Variants in SLC24A3 observed in about 807,000 individuals in gnomAD.
The protein encoded by SLC24A3 is sodium/potassium/calcium exchanger 3.
A neutral mutation model predicts 75.8 loss-of-function variants in SLC24A3; 28 were observed. The ratio of observed to expected loss-of-function variants is 0.37; its 90% CI spans 0.27 to 0.51. The LOEUF is 0.51. Ranked by LOEUF, SLC24A3 falls within the 20% of genes least tolerant of loss-of-function variation. The pLI, the probability that SLC24A3 is intolerant of heterozygous loss-of-function variation, is 0.94. For missense variants in SLC24A3, 663 were observed against 847.8 expected (o/e 0.78, Z 2.71); for synonymous variants, 372 against 334.1 (o/e 1.11, Z -1.24).
chr20:19,513,928 A>C (rs1199384252), intron 2 of SLC24A3, among the ~76,000 whole-genome samples: 3 of 152,120 alleles, frequency 2.0e-5, no homozygotes, highest in Non-Finnish European at 4.4e-5. Context: ...TGTAGTGAGA[A>C]GATTTAGATC....
intron 2 of SLC24A3, among the ~76,000 whole-genome samples, chr20:19,491,558 C>G (rs530344367): frequency 6.6e-6 from 1 of 152,154 alleles, no homozygotes. Context: ...GGCTCTGTCA[C>G]CCCAGGCACT....
chr20:19,414,853 G>A (rs901738966), intron 2 of SLC24A3, among the ~76,000 whole-genome samples: 6 of 152,086 alleles, frequency 3.9e-5, no homozygotes, highest in African/African-American at 1.2e-4. Flanking sequence ...ATCATATCAC[G>A]TTTCCCTTTC....
At chr20:19,337,303 G>A (rs957932504) in intron 2 of SLC24A3, among the ~76,000 whole-genome samples, 6 of 152,080 alleles carry the variant, frequency 3.9e-5, no homozygotes, top group Non-Finnish European at 8.8e-5. Flanking sequence ...AATTAGCCAG[G>A]TGTGGTGGCA....
At chr20:19,428,160 C>G (rs1049383151) in intron 2 of SLC24A3, among the ~76,000 whole-genome samples, 1 of 152,200 alleles carries the variant, frequency 6.6e-6, no homozygotes, top group Non-Finnish European at 1.5e-5. Context: ...GTAGCAGCAG[C>G]ATGAGCCCGG....
At chr20:19,565,522 G>A (rs1447359941) in intron 3 of SLC24A3, among the ~76,000 whole-genome samples, 1 of 152,100 alleles carries the variant, frequency 6.6e-6, no homozygotes, top group Non-Finnish European at 1.5e-5. Flanking sequence ...TAAGGCTGAG[G>A]TGTCACCTGG....
chr20:19,225,365 A>G (rs1981843433), intron 1 of SLC24A3, among the ~76,000 whole-genome samples: 1 of 152,206 alleles, frequency 6.6e-6, no homozygotes. Flanking sequence ...TTGTTGGGCC[A>G]TGTGCAGGAA....
At chr20:19,314,209 A>T (rs1459869818) in intron 2 of SLC24A3, among the ~76,000 whole-genome samples, 2 of 152,296 alleles carry the variant, frequency 1.3e-5, no homozygotes, top group South Asian at 4.1e-4. Context: ...ATATTTTTTT[A>T]GGAAGGTTGG....
chr20:19,395,451 T>A (rs1986437969), intron 2 of SLC24A3, among the ~76,000 whole-genome samples: 1 of 152,224 alleles, frequency 6.6e-6, no homozygotes, highest in Non-Finnish European at 1.5e-5. Context: ...AGATTTTTCT[T>A]TCCTAGGTGT....
rs565892119 is a variant in SLC24A3 at position 19,484,620 on chromosome 20, G to A, written c.272-30868G>A. 3.5e-4 allele frequency among the ~76,000 whole-genome samples: 54 copies of A among 152,142 alleles called. No homozygotes were observed. In the South Asian group the frequency reaches 7.1e-3, roughly 20 times the overall value. On this transcript the variant is annotated intron_variant, in intron 2 of 16. Transcript: ENST00000328041. ...GCAAATGCTATATGAGTCCACTTGGGTGAAGTCTCTAGAGTAGTCAAATGC... is the reference window on the plus strand; with the variant it reads ...GCAAATGCTATATGAGTCCACTTGGATGAAGTCTCTAGAGTAGTCAAATGC...
At chr20:19,626,501 G>A (rs539421573) in intron 6 of SLC24A3, among the ~76,000 whole-genome samples, 43 of 152,312 alleles carry the variant, frequency 2.8e-4, no homozygotes, top group African/African-American at 1.0e-3. Context: ...CACCTTTAGA[G>A]TAACTATGCA....
At chr20:19,353,703 A>C (rs1404520777) in intron 2 of SLC24A3, among the ~76,000 whole-genome samples, 1 of 152,250 alleles carries the variant, frequency 6.6e-6, no homozygotes, top group Non-Finnish European at 1.5e-5. Context: ...ATAAAAATGC[A>C]TGACCTGATA....
At chr20:19,494,526 T>TG (rs1402766689) in intron 2 of SLC24A3, among the ~76,000 whole-genome samples, 2 of 152,208 alleles carry the variant, frequency 1.3e-5, no homozygotes, top group African/African-American at 4.8e-5. Flanking sequence ...AAGGGAGATT[T>TG]GGGGGAAGGA....
At chr20:19,352,018 G>A (rs1985577748) in intron 2 of SLC24A3, among the ~76,000 whole-genome samples, 1 of 151,918 alleles carries the variant, frequency 6.6e-6, no homozygotes, top group Admixed American at 6.6e-5. Flanking sequence ...AGCTCTCAGG[G>A]GATACCGATG....
intron 6 of SLC24A3, among the ~76,000 whole-genome samples, chr20:19,640,025 C>T (rs2032056653): frequency 2.0e-5 from 3 of 152,256 alleles, no homozygotes; most frequent in Admixed American, 1.3e-4. Context: ...CCCTCCACAC[C>T]TCCCTGCAAG....
chr20:19,701,202 G>A (rs1031568392), intron 15 of SLC24A3, among the ~76,000 whole-genome samples: 3 of 152,056 alleles, frequency 2.0e-5, no homozygotes, highest in African/African-American at 7.2e-5. Context: ...TTGAATAAAT[G>A]GGAATCCATG....
chr20:19,478,432 T>A (rs1234266690), intron 2 of SLC24A3, among the ~76,000 whole-genome samples: 1 of 152,188 alleles, frequency 6.6e-6, no homozygotes, highest in East Asian at 1.9e-4. Context: ...AGTATATCCT[T>A]GGGGTTTAGG....
intron 2 of SLC24A3, among the ~76,000 whole-genome samples, chr20:19,422,347 G>A (rs543245899): frequency 1.3e-5 from 2 of 152,212 alleles, no homozygotes; most frequent in South Asian, 2.1e-4. Context: ...CTGGCTAGAC[G>A]TGCCTTTGTC....
chr20:19,413,824 G>A (rs957416445), intron 2 of SLC24A3, among the ~76,000 whole-genome samples: 5 of 152,140 alleles, frequency 3.3e-5, no homozygotes, highest in Non-Finnish European at 5.9e-5. Flanking sequence ...TAGGTTTGAC[G>A]TAATAACATT....
chr20:19,432,339 C>T (rs930995802), intron 2 of SLC24A3, among the ~76,000 whole-genome samples: 15 of 149,570 alleles, frequency 1.0e-4, no homozygotes, highest in Admixed American at 5.3e-4. Flanking sequence ...AAACAATTTT[C>T]AGAGTCAAAA....
Sources: allele counts gnomAD v4.1 joint callset (sites outside exome capture counted in the v4.1 genomes callset), GRCh38; gene constraint gnomAD v4.1.1; transcripts MANE v1.5; gene names NCBI Gene and HGNC (gene_info 2026-07-23, HGNC 2026-07-21).